Variants in TRPV1 observed in about 807,000 individuals in gnomAD.
TRPV1 encodes the protein OTRPC1.
Under a neutral mutation model 82.3 loss-of-function variants are expected in TRPV1, and 82 were observed. The observed-to-expected ratio is 1.00, with a 90% CI of 0.83 to 1.20. TRPV1 has a LOEUF of 1.20. TRPV1 is among the 50% of genes most tolerant of loss of function. The pLI is 0.00. For synonymous variants in TRPV1, 515 were observed against 467.7 expected (o/e 1.10, Z -1.30); for missense variants, 1,067 against 1,096.8 (o/e 0.97, Z 0.38).
intron 9 of TRPV1, 91 bp from the exon 10 acceptor site, chr17:3,583,521 A>G (rs1330518016): frequency 2.2e-5 from 23 of 1,063,022 alleles, no homozygotes; most frequent in Non-Finnish European, 3.1e-5. Flanking sequence ...GTCCCTGCCC[A>G]GGAGGCACAG....
intron 10 of TRPV1, among the ~76,000 whole-genome samples, chr17:3,582,179 G>A (rs1486099815): frequency 6.6e-5 from 4 of 60,902 alleles, no homozygotes; most frequent in Non-Finnish European, 7.0e-5. Context: ...GAAAGAGTGA[G>A]ACTCCATCTC....
chr17:3,577,712 G>T lies in TRPV1; in HGVS notation c.1599C>A (p.His533Gln), dbSNP rs372866587. 1 of 1,590,496 alleles carries T rather than the reference G, an allele frequency of 6.3e-7. No individual in the cohort carries two copies. Among genetic ancestry groups the T allele is most frequent in the Non-Finnish European group, 8.6e-7 (1 of 1,169,038 alleles). The change falls in exon 12 of 17, where the codon CAC becomes CAA. Residue 533 changes from histidine to glutamine, a missense_variant. Coordinates refer to ENST00000572705, the MANE Select transcript of TRPV1 (RefSeq NM_080704.4). ...CCATGGAAGCCACATACTCCTTGAG[G>T]TGGCTGAAGTACAGCACCACGGTGG... is the stretch of plus-strand genomic sequence containing the variant. ...MLATVVLYFSHLKEYVASMVF... is the reference protein window; with the variant it reads ...MLATVVLYFSQLKEYVASMVF...
chr17:3,582,060 G>T (rs1476086363), intron 10 of TRPV1, among the ~76,000 whole-genome samples: 1 of 142,714 alleles, frequency 7.0e-6, no homozygotes, highest in Admixed American at 7.1e-5. Context: ...CGTGGTGGCG[G>T]GTGCCTGTAG....
intron 16 of TRPV1, among the ~76,000 whole-genome samples, chr17:3,568,638 T>C (rs2074807243): frequency 2.0e-5 from 3 of 152,032 alleles, no homozygotes; most frequent in South Asian, 2.1e-4. Flanking sequence ...GATCACAAAA[T>C]AGGCAACATA....
At chr17:3,580,048 C>CA (rs2074986438) in intron 11 of TRPV1, among the ~76,000 whole-genome samples, 1 of 150,766 alleles carries the variant, frequency 6.6e-6, no homozygotes, top group Non-Finnish European at 1.5e-5. Context: ...GCCCCCCAAC[C>CA]ACCACAACTA....
Position 3,589,688 on chromosome 17 carries a change from A to G in TRPV1, c.1044+119T>C, listed in dbSNP as rs2075128738. ...TCTAACAGCCCTACAGGCTGGTATG[A>G]CAGAATCAGAGTCCCGCACACACAG... On this transcript the variant is annotated intron_variant, in intron 7 of 16. Coordinates refer to ENST00000572705, the MANE Select transcript of TRPV1 (RefSeq NM_080704.4). 6 of 1,237,356 alleles carry G rather than the reference A, an allele frequency of 4.8e-6. No homozygotes were observed. The African/African-American group carries it at 6.1e-5, about 13-fold the overall frequency. The allele number at this position is 1,237,356 out of a possible 1,614,324, so 76.6% of individuals were successfully genotyped here.
chr17:3,584,422 T>TA (rs1567666443), intron 9 of TRPV1, among the ~76,000 whole-genome samples: 8 of 42,868 alleles, frequency 1.9e-4, no homozygotes, highest in African/African-American at 8.3e-4. Flanking sequence ...AAAAATAAAA[T>TA]AAAAAAAAAA....
chr17:3,599,468 T>A (rs1229250224), intron 2 of TRPV1, among the ~76,000 whole-genome samples: 1 of 152,062 alleles, frequency 6.6e-6, no homozygotes, highest in Non-Finnish European at 1.5e-5. Flanking sequence ...CGACCACCAT[T>A]CAACTTCCTG....
intron 16 of TRPV1, among the ~76,000 whole-genome samples, chr17:3,568,778 G>A (rs984652974): frequency 7.2e-5 from 11 of 152,076 alleles, no homozygotes; most frequent in East Asian, 1.9e-4. Flanking sequence ...ACGGTGGCTC[G>A]CACCTGTCAT....
At chr17:3,586,248 C>T (rs1431466695) in intron 8 of TRPV1, among the ~76,000 whole-genome samples, 3 of 152,164 alleles carry the variant, frequency 2.0e-5, no homozygotes, top group Non-Finnish European at 4.4e-5. Context: ...TCCCGAGAGC[C>T]CACAGTAATG....
intron 2 of TRPV1, among the ~76,000 whole-genome samples, chr17:3,598,091 C>T (rs925919773): frequency 2.0e-5 from 3 of 152,256 alleles, no homozygotes; most frequent in Admixed American, 6.5e-5. Flanking sequence ...CAATAGGTTT[C>T]ATTCTCTCCC....
At chr17:3,603,926 G>A (rs2075280760) in intron 2 of TRPV1, among the ~76,000 whole-genome samples, 2 of 152,266 alleles carry the variant, frequency 1.3e-5, no homozygotes, top group Admixed American at 1.3e-4. Flanking sequence ...GGTCAACAGG[G>A]TGGTCTCTGC....
chr17:3,608,778 A>G (rs1488969882), intron 1 of TRPV1: 1 of 152,072 alleles, frequency 6.6e-6, no homozygotes, highest in Admixed American at 6.6e-5. Flanking sequence ...TGATCTACGA[A>G]TTCTCCCCAG....
chr17:3,586,289 A>G (rs1156370791), intron 8 of TRPV1, among the ~76,000 whole-genome samples: 1 of 152,226 alleles, frequency 6.6e-6, no homozygotes, highest in African/African-American at 2.4e-5. Flanking sequence ...GAGCCTGGGC[A>G]TGAGGGGCTC....
Position 3,592,211 on chromosome 17 carries a change from G to C in TRPV1, c.140C>G (p.Thr47Ser). ...KPQLSTAKSRTRLFGKGDSEE... is the reference protein window; with the variant it reads ...KPQLSTAKSRSRLFGKGDSEE... ...CGAGTCACCCTTCCCAAAGAGCCGGGTGCGGCTCTTGGCCGTGGAGAGCTG... is the reference window on the plus strand; with the variant it reads ...CGAGTCACCCTTCCCAAAGAGCCGGCTGCGGCTCTTGGCCGTGGAGAGCTG... The change falls in exon 3 of 17, where the codon ACC becomes AGC. Residue 47 changes from threonine to serine, a missense_variant. Thr to Ser is a moderately conservative substitution (Grantham distance 58, BLOSUM62 1). Coordinates refer to ENST00000572705, the MANE Select transcript of TRPV1 (RefSeq NM_080704.4). 1 of 1,613,054 alleles carries C rather than the reference G, an allele frequency of 6.2e-7. No individual in the cohort carries two copies. Among genetic ancestry groups the C allele is most frequent in the Non-Finnish European group, 8.5e-7 (1 of 1,179,508 alleles).
intron 2 of TRPV1, chr17:3,592,834 G>C (rs2075177389): frequency 6.0e-6 from 1 of 166,434 alleles, no homozygotes; most frequent in Non-Finnish European, 1.3e-5. Context: ...GCTCAGTCCA[G>C]AAGAGCCAAG....
chr17:3,591,440 A>T, intron 3 of TRPV1, 87 bp from the exon 4 acceptor site: 1 of 1,459,180 alleles, frequency 6.9e-7, no homozygotes, highest in East Asian at 2.3e-5. Flanking sequence ...ACACGACTAA[A>T]TCCCAAGGCA....
chr17:3,570,626 T>G (rs1377278683), intron 16 of TRPV1, among the ~76,000 whole-genome samples: 1 of 152,216 alleles, frequency 6.6e-6, no homozygotes, highest in African/African-American at 2.4e-5. Flanking sequence ...CGTCCTCAAT[T>G]AGACATTTAT....
In TRPV1 at chr17:3,572,164, C is replaced by T. The variant is rs1447796354; in HGVS notation, c.2189G>A (p.Gly730Glu). 6.2e-7 allele frequency: 1 copy of T among 1,613,662 alleles called. No homozygotes were observed. Among genetic ancestry groups the T allele is most frequent in the South Asian group, 1.1e-5 (1 of 90,974 alleles). The change falls in exon 15 of 17, where the codon GGG becomes GAG. Residue 730 changes from glycine to glutamate, a missense_variant. Transcript: ENST00000572705. ...AFRSGKLLQV[G>E]YTPDGKDDYR... ...GTCGTCCTTGCCATCAGGTGTGTAC[C>T]CCACCTGCAGCAGCTTGCCTGAGCG...
Sources: allele counts gnomAD v4.1 joint callset (sites outside exome capture counted in the v4.1 genomes callset), GRCh38; gene constraint gnomAD v4.1.1; transcripts MANE v1.5; gene names NCBI Gene and HGNC (gene_info 2026-07-23, HGNC 2026-07-21).